Variants in VPS41 observed in about 807,000 individuals in gnomAD.
VPS41 encodes vacuolar protein sorting-associated protein 41 homolog.
VPS41 carries 85 observed loss-of-function variants against 130.9 expected under a neutral mutation model. The observed-to-expected ratio is 0.65, with a 90% CI of 0.55 to 0.78. The LOEUF is 0.78. Ranked by LOEUF, VPS41 falls within the 30% of genes least tolerant of loss-of-function variation. The pLI is 0.00. For missense variants in VPS41, 874 were observed against 1,018.7 expected (o/e 0.86, Z 1.93); for synonymous variants, 335 against 332.9 (o/e 1.01, Z -0.07).
chr7:38,843,552 G>A (rs1380252901), intron 4 of VPS41, among the ~76,000 whole-genome samples: 1 of 151,952 alleles, frequency 6.6e-6, no homozygotes. Flanking sequence ...CGCGGTGCTG[G>A]GCGCCTGTAA....
intron 22 of VPS41, 49 bp downstream of exon 22, chr7:38,752,127 T>G: frequency 6.2e-7 from 1 of 1,609,984 alleles, no homozygotes; most frequent in Non-Finnish European, 8.5e-7. Flanking sequence ...TTACCATCAA[T>G]GACAACCTCT....
intron 13 of VPS41, among the ~76,000 whole-genome samples, chr7:38,772,027 G>A (rs1297639611): frequency 6.6e-6 from 1 of 151,952 alleles, no homozygotes; most frequent in African/African-American, 2.4e-5. Context: ...AGCTATTAAA[G>A]TTGAAAAATG....
At chr7:38,857,714 T>A (rs190875171) in intron 4 of VPS41, among the ~76,000 whole-genome samples, 2 of 152,312 alleles carry the variant, frequency 1.3e-5, no homozygotes, top group Non-Finnish European at 2.9e-5. Flanking sequence ...TCGAAGAGAT[T>A]TATTCTGAGC....
At chr7:38,851,222 C>T (rs1562609766) in intron 4 of VPS41, among the ~76,000 whole-genome samples, 1 of 152,234 alleles carries the variant, frequency 6.6e-6, no homozygotes, top group Non-Finnish European at 1.5e-5. Flanking sequence ...ATGTCTGCCA[C>T]TGAGCAATGA....
chr7:38,766,504 G>A (rs1233063433), intron 15 of VPS41, among the ~76,000 whole-genome samples: 1 of 152,158 alleles, frequency 6.6e-6, no homozygotes, highest in Non-Finnish European at 1.5e-5. Context: ...TCTCCCTCCT[G>A]AGGAAAGGGA....
chr7:38,750,929 C>G (rs1216872060), intron 22 of VPS41, among the ~76,000 whole-genome samples: 2 of 152,140 alleles, frequency 1.3e-5, no homozygotes, highest in Non-Finnish European at 2.9e-5. Context: ...TGAAGGAGCA[C>G]TGTTCAAAGA....
chr7:38,905,433 T>C (rs925598479), intron 1 of VPS41, among the ~76,000 whole-genome samples: 1 of 152,206 alleles, frequency 6.6e-6, no homozygotes, highest in Non-Finnish European at 1.5e-5. Flanking sequence ...ATATATGTAG[T>C]TACTTTTGAC....
intron 4 of VPS41, among the ~76,000 whole-genome samples, chr7:38,859,375 G>A (rs1481839417): frequency 2.0e-5 from 3 of 151,986 alleles, no homozygotes; most frequent in East Asian, 3.9e-4. Flanking sequence ...ACTGTCCTAA[G>A]CCTTCACATT....
intron 10 of VPS41, among the ~76,000 whole-genome samples, chr7:38,781,320 C>T (rs1784350666): frequency 1.3e-5 from 2 of 152,202 alleles, no homozygotes; most frequent in African/African-American, 4.8e-5. Context: ...ACCACAAAGA[C>T]TTAACAGCTA....
chr7:38,873,525 ATT>A (rs1206506275), intron 2 of VPS41, among the ~76,000 whole-genome samples: 1 of 152,140 alleles, frequency 6.6e-6, no homozygotes, highest in Non-Finnish European at 1.5e-5. Context: ...CAAATCAATA[ATT>A]TTTGTTAAAT....
chr7:38,838,885 C>G (rs1277310179), intron 4 of VPS41, among the ~76,000 whole-genome samples: 1 of 152,144 alleles, frequency 6.6e-6, no homozygotes, highest in Non-Finnish European at 1.5e-5. Flanking sequence ...TTTGTGGCAA[C>G]TTCTTTTCCC....
intron 7 of VPS41, among the ~76,000 whole-genome samples, 185 bp downstream of exon 7, chr7:38,817,632 T>G (rs569546568): frequency 6.6e-6 from 1 of 152,146 alleles, no homozygotes; most frequent in Admixed American, 6.5e-5. Context: ...AAAAAAGCAA[T>G]GTAGTGAGAA....
At chr7:38,879,902 A>AG (rs200990700) in intron 2 of VPS41, among the ~76,000 whole-genome samples, 36 of 151,668 alleles carry the variant, frequency 2.4e-4, no homozygotes, top group East Asian at 1.9e-4. Flanking sequence ...AAAAAAAAAA[A>AG]AAAGAAAGAA....
intron 21 of VPS41, among the ~76,000 whole-genome samples, chr7:38,753,479 G>A (rs765619348): frequency 2.0e-5 from 3 of 152,014 alleles, no homozygotes; most frequent in Admixed American, 6.6e-5. Flanking sequence ...GTGTGTTAGC[G>A]GGGATATGTG....
chr7:38,858,097 C>T (rs1271335713), intron 4 of VPS41, among the ~76,000 whole-genome samples: 2 of 152,154 alleles, frequency 1.3e-5, no homozygotes, highest in Non-Finnish European at 2.9e-5. Flanking sequence ...TAATATACGG[C>T]AAACGTTTCC....
intron 10 of VPS41, among the ~76,000 whole-genome samples, chr7:38,782,350 C>T (rs1436428151): frequency 3.3e-5 from 5 of 152,226 alleles, no homozygotes; most frequent in Non-Finnish European, 7.3e-5. Flanking sequence ...TAGATGACCA[C>T]TTGCTCCCCT....
chr7:38,856,256 T>A (rs544850018), intron 4 of VPS41, among the ~76,000 whole-genome samples: 1 of 152,254 alleles, frequency 6.6e-6, no homozygotes, highest in Non-Finnish European at 1.5e-5. Context: ...ACTCCTGGGC[T>A]CAAGTGACCC....
At chr7:38,781,750 T>C (rs1784357633) in intron 10 of VPS41, among the ~76,000 whole-genome samples, 1 of 152,246 alleles carries the variant, frequency 6.6e-6, no homozygotes, top group South Asian at 2.1e-4. Context: ...AGGTTCAGTC[T>C]TCAATTCTGA....
intron 12 of VPS41, 52 bp from the exon 13 acceptor site, chr7:38,772,689 T>G (rs1784176672): frequency 3.8e-6 from 5 of 1,322,804 alleles, no homozygotes; most frequent in Admixed American, 1.8e-5. Flanking sequence ...GCAGAAAACT[T>G]GGCAATGGTT....
Sources: gnomAD v4.1 joint callset for allele counts (sites outside exome capture counted in the v4.1 genomes callset) on GRCh38, gnomAD v4.1.1 for gene constraint, MANE v1.5 for transcripts, NCBI Gene and HGNC (gene_info 2026-07-23, HGNC 2026-07-21) for gene names.